The following AAGAB variants were observed in gnomAD, a reference collection of about 807,000 sequenced individuals.
The protein encoded by AAGAB is alpha and gamma adaptin binding protein, also known as alpha- and gamma-adaptin-binding protein p34.
Under a neutral mutation model 44.1 loss-of-function variants are expected in AAGAB, and 38 were observed. The ratio of observed to expected loss-of-function variants is 0.86; its 90% CI spans 0.67 to 1.13. The LOEUF is 1.13. AAGAB is among the 50% of genes most tolerant of loss of function. The pLI is 0.00. For missense variants in AAGAB, 450 were observed against 373.8 expected (o/e 1.20, Z -1.68); for synonymous variants, 131 against 131.8 (o/e 0.99, Z 0.04).
intron 1 of AAGAB, among the ~76,000 whole-genome samples, chr15:67,241,515 C>T (rs1368414945): frequency 2.6e-5 from 4 of 152,124 alleles, no homozygotes; most frequent in Non-Finnish European, 5.9e-5. Context: ...TCTTTCTTCC[C>T]TTTGTGAAGC....
chr15:67,247,557 A>G (rs1192012102), intron 1 of AAGAB, among the ~76,000 whole-genome samples: 1 of 152,202 alleles, frequency 6.6e-6, no homozygotes, highest in African/African-American at 2.4e-5. Context: ...GTTTTGTACA[A>G]TATGGGCTGA....
chr15:67,246,493 T>C (rs1266538716), intron 1 of AAGAB, among the ~76,000 whole-genome samples: 2 of 152,178 alleles, frequency 1.3e-5, no homozygotes, highest in Non-Finnish European at 2.9e-5. Context: ...GAAACGTATT[T>C]GTGGTATCTG....
At chr15:67,235,217 C>T (rs1356894332) in intron 4 of AAGAB, among the ~76,000 whole-genome samples, 1 of 152,206 alleles carries the variant, frequency 6.6e-6, no homozygotes, top group Non-Finnish European at 1.5e-5. Context: ...ACGTTCTCTG[C>T]ACTTTTAAAC....
At chr15:67,228,728 T>G (rs1225543864) in intron 5 of AAGAB, among the ~76,000 whole-genome samples, 5 of 152,130 alleles carry the variant, frequency 3.3e-5, no homozygotes, top group Admixed American at 2.0e-4. Context: ...TCAACCTACA[T>G]GCCCATCAAC....
chr15:67,254,529 G>A (rs1965022206), intron 1 of AAGAB, 30 bp downstream of exon 1: 13 of 1,583,730 alleles, frequency 8.2e-6, no homozygotes, highest in Non-Finnish European at 1.0e-5. Context: ...CAGGGGCCTT[G>A]GAGGTCGGCC....
rs762124174 is a variant in AAGAB, at chr15:67,208,604, C to A, written c.673G>T (p.Gly225Cys). Residue 225 changes from glycine (G) to cysteine (C), a missense_variant, in exon 7 of 10, where the codon GGT (glycine) becomes TGT (cysteine). Gly to Cys is a radical substitution (Grantham distance 159). Transcript: ENST00000261880. The stretch of plus-strand genomic sequence containing the variant: ...TGGGCATCTGTTGTGTTAGATGCAC[C>A]ACCCCGATGATCAGAGAGGGATTCA... ...STESLSDHRG[G>C]ASNTTDAQVD... The A allele has an allele frequency of 6.2e-7, 1 of 1,614,128 alleles. No homozygotes were observed. The highest frequency in any genetic ancestry group is 8.5e-7 in the Non-Finnish European group (1 of 1,180,016).
intron 1 of AAGAB, among the ~76,000 whole-genome samples, chr15:67,238,372 T>C (rs188449397): frequency 1.2e-3 from 176 of 152,312 alleles, no homozygotes; most frequent in African/African-American, 3.8e-3. Flanking sequence ...ATGTCCCTTA[T>C]GGAGCATTAA....
At chr15:67,253,337 G>C (rs977427099) in intron 1 of AAGAB, among the ~76,000 whole-genome samples, 3 of 151,738 alleles carry the variant, frequency 2.0e-5, no homozygotes, top group African/African-American at 7.3e-5. Flanking sequence ...CTGAGGTAGG[G>C]GGATGGCTTG....
At position 67,201,655 on chromosome 15, in the gene AAGAB, A is replaced by G. The variant is rs534168459; in HGVS notation, c.*1166T>C. 2 of 152,436 alleles carry G rather than the reference A, an allele frequency of 1.3e-5. No individual in the cohort carries two copies. The highest frequency in any genetic ancestry group is 1.9e-4 in the East Asian group (1 of 5,322). 9.4% of individuals were successfully genotyped at this position (152,436 alleles called of 1,614,324 possible). On this transcript the variant is annotated 3_prime_UTR_variant, in exon 10 of 10. Transcript: ENST00000261880. ...GTAATGATCACAGTGAGGGCTAATG[A>G]TATGCATTACAAAGTCTACAAAAAC... is the stretch of plus-strand genomic sequence containing the variant.
At position 67,221,323 on chromosome 15, in the gene AAGAB, T is replaced by A. The variant is rs147553792; in HGVS notation, c.535+10491A>T. The A allele has an allele frequency of 5.1e-4, 77 of 152,370 alleles. 1 individual carries two copies. The East Asian group carries it at 0.014, about 29-fold the overall frequency. 9.4% of individuals were successfully genotyped at this position (152,370 alleles called of 1,614,324 possible). A position where few individuals can be genotyped will look rare whatever the true frequency, so the allele number is the denominator to read the frequency against. ...ATTATGACACAAAGTAAAATACATA[T>A]CCTTTCCTTGTTTAAGTGCTTAAGC... On this transcript the variant is annotated intron_variant, in intron 5 of 9. Transcript: ENST00000261880.
At chr15:67,225,180 G>T (rs140334701) in intron 5 of AAGAB, among the ~76,000 whole-genome samples, 5 of 152,174 alleles carry the variant, frequency 3.3e-5, no homozygotes, top group African/African-American at 1.2e-4. Context: ...GTGCAAACAC[G>T]TTTGAGAACT....
At chr15:67,226,527 G>C (rs777244812) in intron 5 of AAGAB, among the ~76,000 whole-genome samples, 26 of 152,068 alleles carry the variant, frequency 1.7e-4, no homozygotes, top group Non-Finnish European at 3.1e-4. Flanking sequence ...TTATTATTAA[G>C]TTGTAAGAGT....
upstream of AAGAB, chr15:67,254,827 C>G: frequency 6.6e-7 from 1 of 1,514,966 alleles, no homozygotes; most frequent in Non-Finnish European, 9.1e-7. Flanking sequence ...TGGGGACGAG[C>G]GGCTCCGGCT....
intron 5 of AAGAB, among the ~76,000 whole-genome samples, chr15:67,211,687 T>C (rs1407124382): frequency 6.6e-6 from 1 of 152,206 alleles, no homozygotes; most frequent in Non-Finnish European, 1.5e-5. Flanking sequence ...CTTCTATTAC[T>C]GGAAATAACT....
intron 1 of AAGAB, among the ~76,000 whole-genome samples, chr15:67,252,182 G>A (rs929129058): frequency 7.9e-5 from 12 of 152,168 alleles, no homozygotes; most frequent in African/African-American, 2.9e-4. Context: ...CAGGTAATCA[G>A]CTACTTCAAG....
chr15:67,250,861 C>T (rs962027662), intron 1 of AAGAB, among the ~76,000 whole-genome samples: 1 of 152,024 alleles, frequency 6.6e-6, no homozygotes, highest in Non-Finnish European at 1.5e-5. Flanking sequence ...CCCGTCTCTA[C>T]TAAAAAATAC....
At chr15:67,254,474 A>G in intron 1 of AAGAB, 85 bp downstream of exon 1, 2 of 1,485,118 alleles carry the variant, frequency 1.3e-6, no homozygotes, top group African/African-American at 2.8e-5. Flanking sequence ...TGCGGGGACA[A>G]GGCCCAGAGA....
chr15:67,235,663 G>A (rs899987323), intron 4 of AAGAB, among the ~76,000 whole-genome samples: 2 of 152,116 alleles, frequency 1.3e-5, no homozygotes, highest in Admixed American at 1.3e-4. Flanking sequence ...TACTACGAAG[G>A]TCTAACTCTC....
Position 67,209,455 on chromosome 15 carries a change from C to T in AAGAB, c.618+7G>A. 6.2e-7 allele frequency: 1 copy of T among 1,612,212 alleles called. No individual in the cohort carries two copies. The highest frequency in any genetic ancestry group is 1.7e-4 in the Middle Eastern group (1 of 6,060). ...AGAGGGAAAAAAGATCCAAGAAAAA[C>T]CTTTACCTCTGGGTGACAGGGATCT... On this transcript the variant is annotated splice_region_variant and intron_variant, in intron 6 of 9. Coordinates refer to ENST00000261880, the MANE Select transcript of AAGAB (RefSeq NM_024666.5).
Sources: gnomAD v4.1 joint callset for allele counts (sites outside exome capture counted in the v4.1 genomes callset) on GRCh38, gnomAD v4.1.1 for gene constraint, MANE v1.5 for transcripts, NCBI Gene and HGNC (gene_info 2026-07-23, HGNC 2026-07-21) for gene names.